The following ATRNL1 variants were observed in gnomAD, a reference collection of about 807,000 sequenced individuals.
The protein encoded by ATRNL1 is attractin like 1.
In ATRNL1, 95 loss-of-function variants were observed where a neutral mutation model predicts 182.7. The observed-to-expected ratio is 0.52, with a 90% CI of 0.44 to 0.62. The LOEUF (loss-of-function observed/expected upper bound fraction) is 0.62, where lower values mean the gene tolerates loss of function less well. ATRNL1 is among the 20% of genes least tolerant of loss of function. The probability of loss-of-function intolerance (pLI) is 0.00; values close to 1 mark genes in which losing one functional copy is unlikely to be tolerated. For synonymous variants in ATRNL1, 576 were observed against 568.3 expected, an observed-to-expected ratio of 1.01 and a Z score of -0.19; for missense variants, 1,471 against 1,679.5, an observed-to-expected ratio of 0.88 and a Z score of 2.17.
At chr10:115,369,734 C>G (rs557622674) in intron 19 of ATRNL1, among the ~76,000 whole-genome samples, 20 of 152,260 alleles carry the variant, frequency 1.3e-4, no homozygotes, top group South Asian at 4.2e-4. Context: ...CTCTCTAACT[C>G]TTGTTATCTT....
chr10:115,662,711 TAG>T (rs1555038425), intron 26 of ATRNL1, among the ~76,000 whole-genome samples: 1 of 152,180 alleles, frequency 6.6e-6, no homozygotes, highest in Non-Finnish European at 1.5e-5. Flanking sequence ...TTTTTAATGA[TAG>T]AAGGCAAATT....
rs569009442 is a variant in ATRNL1 at position 115,225,515 on chromosome 10, G to T, written c.1532+9635G>T. On this transcript the variant is annotated intron_variant, in intron 9 of 28. Coordinates refer to ENST00000355044, the MANE Select transcript of ATRNL1 (RefSeq NM_207303.4). ...ATAATATAATATAATATGTATATGGGTAATCAGTTGCTGCAAATAACATCA... is the reference window on the plus strand; with the variant it reads ...ATAATATAATATAATATGTATATGGTTAATCAGTTGCTGCAAATAACATCA... Among the ~76,000 whole-genome samples, 338 of 74,090 alleles carry T rather than the reference G, an allele frequency of 4.6e-3. 1 individual carries two copies. In the Middle Eastern group the frequency reaches 0.059, roughly 13 times the overall value. The allele number at this position is 74,090 out of a possible 152,430, so 48.6% of individuals were successfully genotyped here.
At chr10:115,894,051 T>A (rs1952145381) in intron 28 of ATRNL1, among the ~76,000 whole-genome samples, 1 of 152,136 alleles carries the variant, frequency 6.6e-6, no homozygotes, top group Non-Finnish European at 1.5e-5. Flanking sequence ...CAGTAAGACT[T>A]CAGTTGGCAA....
intron 25 of ATRNL1, among the ~76,000 whole-genome samples, chr10:115,543,186 C>G (rs1481294308): frequency 6.6e-6 from 1 of 152,102 alleles, no homozygotes; most frequent in Non-Finnish European, 1.5e-5. Flanking sequence ...GGTACAGTAA[C>G]TCTTGCTTAA....
At chr10:115,292,315 T>G (rs1852955878) in intron 15 of ATRNL1, among the ~76,000 whole-genome samples, 1 of 151,980 alleles carries the variant, frequency 6.6e-6, no homozygotes, top group Non-Finnish European at 1.5e-5. Flanking sequence ...TTTTGTGTCA[T>G]TGATCTTCTG....
intron 19 of ATRNL1, among the ~76,000 whole-genome samples, chr10:115,384,051 A>G (rs1252150275): frequency 6.6e-6 from 1 of 152,014 alleles, no homozygotes; most frequent in East Asian, 1.9e-4. Context: ...TCTTAAAATT[A>G]AAATTATTTA....
chr10:115,797,496 G>A (rs550966897), intron 27 of ATRNL1, among the ~76,000 whole-genome samples: 1 of 152,184 alleles, frequency 6.6e-6, no homozygotes, highest in East Asian at 1.9e-4. Context: ...CAACTGCAAG[G>A]CTTCTTCTGC....
At chr10:115,694,504 G>A (rs1555049156) in intron 26 of ATRNL1, among the ~76,000 whole-genome samples, 1 of 148,586 alleles carries the variant, frequency 6.7e-6, no homozygotes, top group Admixed American at 6.6e-5. Context: ...AATGTAAACA[G>A]CTATGCAAAG....
chr10:115,514,032 A>G (rs1850518695), intron 24 of ATRNL1, among the ~76,000 whole-genome samples: 1 of 151,906 alleles, frequency 6.6e-6, no homozygotes, highest in African/African-American at 2.4e-5. Flanking sequence ...TTTTATAGAG[A>G]CTTTACCCAT....
chr10:115,934,054 C>T (rs545541741), intron 28 of ATRNL1, among the ~76,000 whole-genome samples: 3 of 152,236 alleles, frequency 2.0e-5, no homozygotes, highest in South Asian at 4.1e-4. Context: ...GGTACCTTTT[C>T]CACCTGCTCA....
chr10:115,453,728 A>T (rs1397580006), intron 21 of ATRNL1, among the ~76,000 whole-genome samples: 8 of 144,612 alleles, frequency 5.5e-5, no homozygotes, highest in East Asian at 2.3e-4. Context: ...GTTCTCACTC[A>T]TAGGTGGGAA....
intron 19 of ATRNL1, among the ~76,000 whole-genome samples, chr10:115,388,271 C>T (rs1843775336): frequency 6.6e-6 from 1 of 152,058 alleles, no homozygotes; most frequent in South Asian, 2.1e-4. Flanking sequence ...CTCCTTACTC[C>T]TTATGTCTTC....
chr10:115,568,193 G>C (rs1438782959), intron 26 of ATRNL1, among the ~76,000 whole-genome samples: 2 of 151,894 alleles, frequency 1.3e-5, no homozygotes, highest in Non-Finnish European at 2.9e-5. Context: ...TTTTGTTCAG[G>C]CTATTAAATC....
intron 26 of ATRNL1, among the ~76,000 whole-genome samples, chr10:115,613,072 C>T (rs1406549821): frequency 2.6e-5 from 4 of 152,250 alleles, no homozygotes; most frequent in South Asian, 4.1e-4. Context: ...GCAAAATGGC[C>T]GCAACAAGTA....
At chr10:115,533,488 T>C (rs1851740923) in intron 25 of ATRNL1, among the ~76,000 whole-genome samples, 2 of 152,050 alleles carry the variant, frequency 1.3e-5, no homozygotes, top group Admixed American at 1.3e-4. Context: ...TTGATTCTTC[T>C]CTCTTTTTTT....
chr10:115,143,451 CTT>C (rs1219579404), intron 5 of ATRNL1, among the ~76,000 whole-genome samples: 1 of 151,580 alleles, frequency 6.6e-6, no homozygotes, highest in East Asian at 1.9e-4. Flanking sequence ...TGTCCATACT[CTT>C]AACATGGTTT....
At chr10:115,453,465 C>G (rs113797739) in intron 21 of ATRNL1, among the ~76,000 whole-genome samples, 1 of 151,978 alleles carries the variant, frequency 6.6e-6, no homozygotes, top group African/African-American at 2.4e-5. Flanking sequence ...TATTTTCTCT[C>G]ATTTTGTACC....
At chr10:115,798,567 G>A (rs1949714064) in intron 27 of ATRNL1, among the ~76,000 whole-genome samples, 1 of 152,236 alleles carries the variant, frequency 6.6e-6, no homozygotes, top group Middle Eastern at 3.4e-3. Context: ...CCCATATGCT[G>A]ACTAAACTGG....
intron 28 of ATRNL1, among the ~76,000 whole-genome samples, chr10:115,912,078 T>C (rs1555116053): frequency 2.0e-5 from 3 of 152,018 alleles, no homozygotes; most frequent in Non-Finnish European, 4.4e-5. Flanking sequence ...CGGGAAGCAT[T>C]TGGGGGGAAG....
Sources: gnomAD v4.1 joint callset for allele counts (sites outside exome capture counted in the v4.1 genomes callset) on GRCh38, gnomAD v4.1.1 for gene constraint, MANE v1.5 for transcripts, NCBI Gene and HGNC (gene_info 2026-07-23, HGNC 2026-07-21) for gene names.